The following BBOF1 variants were observed in gnomAD, a reference collection of about 807,000 sequenced individuals.
BBOF1 encodes the protein basal body-orientation factor 1.
In BBOF1, 62 loss-of-function variants were observed where a neutral mutation model predicts 68.0. The ratio of observed to expected loss-of-function variants is 0.91; its 90% CI spans 0.74 to 1.13. The LOEUF (loss-of-function observed/expected upper bound fraction) is 1.13, where lower values mean the gene tolerates loss of function less well. Ranked by LOEUF, BBOF1 falls within the 50% of genes most tolerant of loss-of-function variation. BBOF1 has a pLI of 0.00. For synonymous variants in BBOF1, 208 were observed against 198.8 expected, an observed-to-expected ratio of 1.05 and a Z score of -0.39; for missense variants, 534 against 600.1, an observed-to-expected ratio of 0.89 and a Z score of 1.15.
chr14:74,064,262 C>T (rs552845735), intron 11 of BBOF1, among the ~76,000 whole-genome samples: 8 of 149,532 alleles, frequency 5.4e-5, no homozygotes, highest in African/African-American at 2.0e-4. Flanking sequence ...CATGCCACAG[C>T]ACTCCAGCCT....
chr14:74,072,001 T>G, intron 9 of BBOF1: 1 of 1,608,054 alleles, frequency 6.2e-7, no homozygotes, highest in Non-Finnish European at 8.5e-7. Flanking sequence ...CAAATAGAAA[T>G]TAATGCAAGA....
chr14:74,031,632 T>C (rs2059571970), intron 3 of BBOF1, among the ~76,000 whole-genome samples: 1 of 152,248 alleles, frequency 6.6e-6, no homozygotes. Context: ...AGATGGCCGC[T>C]TCCTGCTGGA....
At chr14:74,070,078 T>G (rs1488102951), downstream of BBOF1, among the ~76,000 whole-genome samples, 2 of 151,976 alleles carry the variant, frequency 1.3e-5, no homozygotes, top group Non-Finnish European at 2.9e-5. Flanking sequence ...TGGGCTCAAG[T>G]GATCCGCCTG....
intron 8 of BBOF1, among the ~76,000 whole-genome samples, chr14:74,051,048 A>C (rs573727513): frequency 2.0e-5 from 3 of 152,232 alleles, no homozygotes; most frequent in African/African-American, 7.2e-5. Flanking sequence ...GTTCGAGACC[A>C]GCCTGACCAA....
At chr14:74,030,167 C>T (rs1056512189) in intron 3 of BBOF1, among the ~76,000 whole-genome samples, 1 of 152,036 alleles carries the variant, frequency 6.6e-6, no homozygotes, top group Non-Finnish European at 1.5e-5. Context: ...CTCAACAACA[C>T]ATTTTGCTTT....
chr14:74,048,276 G>C, intron 7 of BBOF1: 1 of 461,756 alleles, frequency 2.2e-6, no homozygotes, highest in South Asian at 3.5e-5. Context: ...AACTTATAAA[G>C]AATATATCAG....
chr14:74,081,233 G>C (rs889719443), exon 12 of BBOF1: 2 of 152,290 alleles, frequency 1.3e-5, no homozygotes, highest in Non-Finnish European at 1.5e-5. Context: ...GAGGTCACTA[G>C]ATTGTTGTGT....
rs1438842103 is a variant in BBOF1, at chr14:74,065,551, A to G, written c.*852A>G. On this transcript the variant is annotated 3_prime_UTR_variant, in exon 12 of 12. Transcript: ENST00000394009. ...AGTGTATTCCGTCTTCCAAGTTACC[A>G]ATCATATAAACAACTTGGAATTCCT... is the stretch of plus-strand genomic sequence containing the variant. The G allele has an allele frequency of 8.3e-6, 5 of 602,018 alleles. No individual in the cohort carries two copies. In the African/African-American group the frequency reaches 9.3e-5, roughly 11 times the overall value. 37.3% of individuals were successfully genotyped at this position (602,018 alleles called of 1,614,324 possible). A position where few individuals can be genotyped will look rare whatever the true frequency, so the allele number is the denominator to read the frequency against.
chr14:74,057,217 G>C lies in BBOF1; in HGVS notation c.1537G>C (p.Val513Leu), dbSNP rs2060233226. ...IAISDSSGEV[V>L]LPTIPKEPQE... Reference sequence around the variant, plus strand: ...AATATCAGACTCTTCTGGTGAAGTGGTGCTACCCACTATTCCAAAAGAACC... The same window carrying C: ...AATATCAGACTCTTCTGGTGAAGTGCTGCTACCCACTATTCCAAAAGAACC... Residue 513 changes from valine to leucine, a missense_variant, in exon 11 of 12, where the codon GTG becomes CTG. By Grantham distance (32) the Val-to-Leu change is conservative. Transcript: ENST00000394009. 4 of 1,614,064 alleles carry C rather than the reference G, an allele frequency of 2.5e-6. No individual in the cohort carries two copies. The highest frequency in any genetic ancestry group is 2.5e-6 in the Non-Finnish European group (3 of 1,179,970).
intron 2 of BBOF1, 69 bp from the exon 3 acceptor site, chr14:74,029,115 T>G: frequency 1.1e-6 from 1 of 941,876 alleles, no homozygotes; most frequent in Non-Finnish European, 1.7e-6. Context: ...GTGAAACTAG[T>G]CTACTTAATA....
chr14:74,061,256 G>T (rs903279053), intron 11 of BBOF1, among the ~76,000 whole-genome samples: 1 of 151,950 alleles, frequency 6.6e-6, no homozygotes, highest in Non-Finnish European at 1.5e-5. Flanking sequence ...GGAATTACAA[G>T]TGTGAGCCAC....
chr14:74,044,829 G>A (rs540029100), intron 5 of BBOF1, among the ~76,000 whole-genome samples: 2 of 152,088 alleles, frequency 1.3e-5, no homozygotes, highest in African/African-American at 4.8e-5. Flanking sequence ...AGAGGCTGAG[G>A]TGAAAGAATC....
downstream of BBOF1, among the ~76,000 whole-genome samples, chr14:74,067,757 C>G (rs1178917817): frequency 6.6e-6 from 1 of 151,526 alleles, no homozygotes; most frequent in African/African-American, 2.4e-5. Context: ...AACACCATCT[C>G]TACAAAAAAT....
At position 74,055,585 on chromosome 14, in the gene BBOF1, A is replaced by G. The variant is rs761616445; in HGVS notation, c.1288A>G (p.Thr430Ala). 8.7e-6 allele frequency: 14 copies of G among 1,606,830 alleles called. No homozygotes were observed. Among genetic ancestry groups the G allele is most frequent in the Non-Finnish European group, 1.2e-5 (14 of 1,174,208 alleles). Reference protein sequence around the residue: ...NQDLLEAEKWTHIEGNVDIGD... With the variant: ...NQDLLEAEKWAHIEGNVDIGD... ...TTTTTTTCCTTTGAAATTCTTTAGGACACATATTGAAGGAAATGTGGATAT... is the reference window on the plus strand; with the variant it reads ...TTTTTTTCCTTTGAAATTCTTTAGGGCACATATTGAAGGAAATGTGGATAT... Residue 430 changes from threonine to alanine, a missense_variant and splice_region_variant, in exon 9 of 12, where the codon ACA becomes GCA. By Grantham distance (58) the Thr-to-Ala change is moderately conservative. Coordinates refer to ENST00000394009, the MANE Select transcript of BBOF1 (RefSeq NM_025057.3).
chr14:74,040,981 A>C (rs1415747442), intron 5 of BBOF1, among the ~76,000 whole-genome samples: 1 of 152,176 alleles, frequency 6.6e-6, no homozygotes, highest in Non-Finnish European at 1.5e-5. Context: ...GTATGTGTGC[A>C]AAGATGTTTC....
intron 4 of BBOF1, among the ~76,000 whole-genome samples, chr14:74,040,107 C>T (rs2059798756): frequency 6.6e-6 from 1 of 152,082 alleles, no homozygotes; most frequent in Non-Finnish European, 1.5e-5. Flanking sequence ...CCCACCTCAG[C>T]CTTAGTTCTG....
downstream of BBOF1, among the ~76,000 whole-genome samples, chr14:74,068,405 G>A (rs150877272): frequency 5.6e-4 from 84 of 151,002 alleles, no homozygotes; most frequent in East Asian, 9.1e-3. Flanking sequence ...AGTGATTAAC[G>A]TGACTTAGAA....
At position 74,065,114 on chromosome 14, in the gene BBOF1, ATT is replaced by A. The variant is rs2139764208; in HGVS notation, c.*417_*418del. On this transcript the variant is annotated 3_prime_UTR_variant, in exon 12 of 12. Transcript: ENST00000394009. ...AATCTTAAACCAATGACTCACCATTATTTACTGTTTCCTCTTAGGAAATAGTA... is the reference window on the plus strand; with the variant it reads ...AATCTTAAACCAATGACTCACCATTATACTGTTTCCTCTTAGGAAATAGTA... The A allele has an allele frequency of 6.3e-7, 1 of 1,577,956 alleles. No individual in the cohort carries two copies. Among genetic ancestry groups the A allele is most frequent in the South Asian group, 1.1e-5 (1 of 89,744 alleles).
rs2059461071 is a variant in BBOF1, at chr14:74,027,444, A to C, written c.286-1740A>C. On this transcript the variant is annotated intron_variant, in intron 2 of 11. Transcript: ENST00000394009. ...AATGCCAATTAATAAATTTCCAAGG[A>C]GTGATGGAGTTAGAAAAATCACCAT... is the stretch of plus-strand genomic sequence containing the variant. Among the ~76,000 whole-genome samples the C allele has an allele frequency of 1.6e-5, 2 of 126,480 alleles. 1 individual carries two copies. The highest frequency in any genetic ancestry group is 5.2e-4 in the South Asian group (2 of 3,820). The allele number at this position is 126,480 out of a possible 152,430, so 83.0% of individuals were successfully genotyped here.
Sources: gnomAD v4.1 joint callset for allele counts (sites outside exome capture counted in the v4.1 genomes callset) on GRCh38, gnomAD v4.1.1 for gene constraint, MANE v1.5 for transcripts, NCBI Gene and HGNC (gene_info 2026-07-23, HGNC 2026-07-21) for gene names.